TPD52: variants seen among roughly 807,000 people sequenced by gnomAD.
TPD52 encodes prostate and colon associated protein.
TPD52 carries 17 observed loss-of-function variants against 31.3 expected under a neutral mutation model. The ratio of observed to expected loss-of-function variants is 0.54; its 90% CI spans 0.37 to 0.82. The LOEUF (loss-of-function observed/expected upper bound fraction) is 0.82. Ranked by LOEUF, TPD52 falls within the 40% of genes least tolerant of loss-of-function variation. The pLI is 0.00. For missense variants in TPD52, 212 were observed against 240.1 expected (o/e 0.88, Z 0.77); for synonymous variants, 83 against 89.6 (o/e 0.93, Z 0.42).
chr8:80,050,454 T>G lies in TPD52; in HGVS notation c.404A>C (p.His135Pro). 2 of 1,607,146 alleles carry G rather than the reference T, an allele frequency of 1.2e-6. No homozygotes were observed. The highest frequency in any genetic ancestry group is 1.7e-6 in the Non-Finnish European group (2 of 1,176,954). The change falls in exon 5 of 8, where the codon CAT becomes CCT. Residue 135 changes from histidine to proline, a missense_variant. His to Pro is a moderately conservative substitution (Grantham distance 77). Coordinates refer to ENST00000518937, the MANE Select transcript of TPD52 (RefSeq NM_001025253.3). ...LEDVKLQAFS[H>P]SFSIRSIQHS... ...TTCAAACTCTCCTTACCTAAAGGAATGTGAAAAGGCTTGCAATCTGTAAGA... is the reference window on the plus strand; with the variant it reads ...TTCAAACTCTCCTTACCTAAAGGAAGGTGAAAAGGCTTGCAATCTGTAAGA...
At chr8:80,131,010 C>G (rs1001935361) in intron 1 of TPD52, among the ~76,000 whole-genome samples, 1 of 152,152 alleles carries the variant, frequency 6.6e-6, no homozygotes. Flanking sequence ...GGTAATTTTT[C>G]ACACAGTGTC....
chr8:80,117,734 CTTTTT>C (rs57998208), intron 1 of TPD52, among the ~76,000 whole-genome samples: 1 of 131,398 alleles, frequency 7.6e-6, no homozygotes, highest in Non-Finnish European at 1.6e-5. Flanking sequence ...TTTTTTCTTT[CTTTTT>C]TTTTTTTTTT....
chr8:80,109,162 G>A lies in TPD52; in HGVS notation c.20-44569C>T, dbSNP rs73691180. 4.8e-3 allele frequency among the ~76,000 whole-genome samples: 731 copies of A among 152,172 alleles called. 6 individuals are homozygous for A. Among genetic ancestry groups the A allele is most frequent in the African/African-American group, 0.016 (685 of 41,518 alleles). ...CCTCAAGATATTTGGGGGACCTTAC[G>A]AGAAGAGAAGAATTCACCCAAATAT... On this transcript the variant is annotated intron_variant, in intron 1 of 7. Transcript: ENST00000518937.
At chr8:80,059,462 GAGTA>G in intron 2 of TPD52, among the ~76,000 whole-genome samples, 1 of 30,266 alleles carries the variant, frequency 3.3e-5, no homozygotes, top group South Asian at 1.4e-3. Context: ...TTAGATATTA[GAGTA>G]AAGATAAAAT....
chr8:80,124,531 T>C (rs752266547), intron 1 of TPD52, among the ~76,000 whole-genome samples: 14 of 152,350 alleles, frequency 9.2e-5, no homozygotes, highest in Non-Finnish European at 1.5e-4. Flanking sequence ...ATCAGTAGTG[T>C]GTATACGTAC....
At chr8:80,102,317 C>T (rs571756206) in intron 1 of TPD52, among the ~76,000 whole-genome samples, 4 of 152,272 alleles carry the variant, frequency 2.6e-5, no homozygotes, top group African/African-American at 4.8e-5. Flanking sequence ...TTTCTCCTCT[C>T]GATGTTGACC....
chr8:80,041,937 A>T (rs1810425530), intron 7 of TPD52, among the ~76,000 whole-genome samples: 1 of 152,004 alleles, frequency 6.6e-6, no homozygotes, highest in South Asian at 2.1e-4. Flanking sequence ...AAAATACAAA[A>T]AATTAGCCGG....
rs148159437 is a variant in TPD52 at position 80,087,325 on chromosome 8, T to C, written c.20-22732A>G. On this transcript the variant is annotated intron_variant, in intron 1 of 7. Coordinates refer to ENST00000518937, the MANE Select transcript of TPD52 (RefSeq NM_001025253.3). ...CCCCCACACCTGTGTTGTTGGCACATATACACCATGGAATACTATGCAGTC... is the reference window on the plus strand; with the variant it reads ...CCCCCACACCTGTGTTGTTGGCACACATACACCATGGAATACTATGCAGTC... 2.2e-3 allele frequency among the ~76,000 whole-genome samples: 335 copies of C among 152,258 alleles called. 1 individual carries two copies. The highest frequency in any genetic ancestry group is 7.8e-3 in the African/African-American group (324 of 41,518).
downstream of TPD52, chr8:80,032,794 T>A (rs959603902): frequency 6.6e-6 from 1 of 152,178 alleles, no homozygotes; most frequent in Non-Finnish European, 1.5e-5. Flanking sequence ...GAAGAAAGGA[T>A]AGTGTCACAA....
rs1053385470 is a variant in TPD52, at chr8:80,034,788, G to A, written c.*3328C>T. 2 of 152,136 alleles carry A rather than the reference G, an allele frequency of 1.3e-5. No homozygotes were observed. Among genetic ancestry groups the A allele is most frequent in the African/African-American group, 4.8e-5 (2 of 41,426 alleles). 9.4% of individuals were successfully genotyped at this position (152,136 alleles called of 1,614,324 possible). A position where few individuals can be genotyped will look rare whatever the true frequency, so the allele number is the denominator to read the frequency against. The stretch of plus-strand genomic sequence containing the variant: ...AAACTGTATTTGGCTTTTTCTATAT[G>A]ATAGAAGAACCACAAAATTAATAAA... On this transcript the variant is annotated 3_prime_UTR_variant, in exon 8 of 8. Coordinates refer to ENST00000518937, the MANE Select transcript of TPD52 (RefSeq NM_001025253.3).
intron 1 of TPD52, among the ~76,000 whole-genome samples, chr8:80,093,411 A>G (rs1457287859): frequency 2.0e-5 from 3 of 152,174 alleles, no homozygotes; most frequent in African/African-American, 7.2e-5. Context: ...ACAACCCTAA[A>G]AGGAATAAAT....
At chr8:80,168,388 T>C (rs1811854640) in intron 1 of TPD52, among the ~76,000 whole-genome samples, 1 of 152,198 alleles carries the variant, frequency 6.6e-6, no homozygotes. Flanking sequence ...GGGCATTTAA[T>C]TTTACAACTA....
intron 5 of TPD52, among the ~76,000 whole-genome samples, chr8:80,046,876 T>C (rs184451993): frequency 6.6e-6 from 1 of 152,344 alleles, no homozygotes; most frequent in African/African-American, 2.4e-5. Context: ...TTCTAACAGT[T>C]ATCTGATGCT....
At chr8:80,079,233 A>G (rs1814954629) in intron 1 of TPD52, among the ~76,000 whole-genome samples, 1 of 152,224 alleles carries the variant, frequency 6.6e-6, no homozygotes, top group Non-Finnish European at 1.5e-5. Context: ...AGGCAAGGTC[A>G]GCACTGGAGA....
intron 1 of TPD52, among the ~76,000 whole-genome samples, chr8:80,115,980 CAAAG>C (rs1358638986): frequency 6.6e-6 from 1 of 152,004 alleles, no homozygotes; most frequent in African/African-American, 2.4e-5. Context: ...CAATAAAAGA[CAAAG>C]AAGTAAAGGA....
chr8:80,057,455 G>T (rs1321714939), intron 2 of TPD52, among the ~76,000 whole-genome samples: 1 of 152,120 alleles, frequency 6.6e-6, no homozygotes, highest in African/African-American at 2.4e-5. Flanking sequence ...TGTCCAATGT[G>T]GTACATATAC....
At chr8:80,087,427 AG>A (rs1364478926) in intron 1 of TPD52, among the ~76,000 whole-genome samples, 2 of 152,250 alleles carry the variant, frequency 1.3e-5, no homozygotes, top group Non-Finnish European at 2.9e-5. Context: ...AAAGTAACAC[AG>A]GAGCAGGTAT....
intron 1 of TPD52, among the ~76,000 whole-genome samples, chr8:80,155,322 G>A (rs1156816969): frequency 6.6e-6 from 1 of 152,134 alleles, no homozygotes; most frequent in African/African-American, 2.4e-5. Flanking sequence ...GTGATTTGAG[G>A]TGGTGAGAGA....
chr8:80,080,224 C>A (rs573445991), intron 1 of TPD52: 2 of 1,215,948 alleles, frequency 1.6e-6, no homozygotes, highest in Non-Finnish European at 2.4e-6. Context: ...CCTGGTACAT[C>A]TTTACACTAA....
Sources: allele counts gnomAD v4.1 joint callset (sites outside exome capture counted in the v4.1 genomes callset), GRCh38; gene constraint gnomAD v4.1.1; transcripts MANE v1.5; gene names NCBI Gene and HGNC (gene_info 2026-07-23, HGNC 2026-07-21).